DDX46: variants seen among roughly 807,000 people sequenced by gnomAD.
DDX46 encodes the protein DEAD-box helicase 46, also known as probable ATP-dependent RNA helicase DDX46.
A neutral mutation model predicts 134.9 loss-of-function variants in DDX46; 30 were observed. The ratio of observed to expected loss-of-function variants is 0.22; its 90% CI spans 0.17 to 0.30. The LOEUF (loss-of-function observed/expected upper bound fraction) is 0.30. DDX46 is among the 10% of genes least tolerant of loss of function. The pLI is 1.00. For missense variants in DDX46, 622 were observed against 1,248.7 expected, an observed-to-expected ratio of 0.50 and a Z score of 7.56; for synonymous variants, 415 against 404.1, an observed-to-expected ratio of 1.03 and a Z score of -0.32.
chr5:134,823,948 A>AC (rs1755523362), intron 21 of DDX46, among the ~76,000 whole-genome samples: 1 of 152,212 alleles, frequency 6.6e-6, no homozygotes, highest in South Asian at 2.1e-4. Flanking sequence ...CTTGCCTTAT[A>AC]AAGAGGTAAG....
At chr5:134,788,700 C>A (rs1005890825) in intron 12 of DDX46, 109 bp downstream of exon 12, 7 of 984,794 alleles carry the variant, frequency 7.1e-6, no homozygotes, top group Non-Finnish European at 9.2e-6. Context: ...CTTCTTAAAG[C>A]TGCAGTATCT....
At chr5:134,766,895 A>G in intron 2 of DDX46, 22 bp from the exon 3 acceptor site, 1 of 1,601,882 alleles carries the variant, frequency 6.2e-7, no homozygotes, top group South Asian at 1.1e-5. Context: ...CATAGAATAA[A>G]TGAAAAGTGT....
chr5:134,817,442 C>A, intron 19 of DDX46, 54 bp from the exon 20 acceptor site: 1 of 1,549,784 alleles, frequency 6.5e-7, no homozygotes, highest in South Asian at 1.2e-5. Flanking sequence ...GGTGTGGTCC[C>A]TACTCTTGTC....
intron 21 of DDX46, among the ~76,000 whole-genome samples, chr5:134,824,083 C>T (rs560916256): frequency 2.6e-5 from 4 of 152,232 alleles, no homozygotes; most frequent in African/African-American, 9.6e-5. Context: ...ATAACTTTAT[C>T]AGAACACATC....
At chr5:134,787,887 C>G (rs2150144592) in intron 11 of DDX46, among the ~76,000 whole-genome samples, 1 of 134,440 alleles carries the variant, frequency 7.4e-6, no homozygotes, top group Non-Finnish European at 1.6e-5. Context: ...GTCCTAGATA[C>G]TGGGAGGGTG....
chr5:134,820,889 A>G (rs1755426710), intron 21 of DDX46, among the ~76,000 whole-genome samples: 1 of 141,694 alleles, frequency 7.1e-6, no homozygotes, highest in Non-Finnish European at 1.5e-5. Flanking sequence ...TTTTTGAGAC[A>G]AAGTCCCACT....
chr5:134,821,796 C>CT (rs1446654829), intron 21 of DDX46, among the ~76,000 whole-genome samples: 1 of 151,810 alleles, frequency 6.6e-6, no homozygotes, highest in Non-Finnish European at 1.5e-5. Context: ...ACCTCATGAT[C>CT]TGCCTGCCTT....
At chr5:134,826,876 ACCT>A (rs1580825496) in intron 21 of DDX46, 68 bp from the exon 22 acceptor site, 1 of 1,464,750 alleles carries the variant, frequency 6.8e-7, no homozygotes, top group Non-Finnish European at 9.2e-7. Flanking sequence ...TTCTTCCTGG[ACCT>A]CCGTGATATG....
At chr5:134,825,555 T>A (rs1480261680) in intron 21 of DDX46, among the ~76,000 whole-genome samples, 1 of 152,216 alleles carries the variant, frequency 6.6e-6, no homozygotes, top group Non-Finnish European at 1.5e-5. Context: ...TTGTGTTTTT[T>A]AAAAATACAC....
At chr5:134,760,089 T>C (rs1753331292) in intron 1 of DDX46, among the ~76,000 whole-genome samples, 1 of 152,186 alleles carries the variant, frequency 6.6e-6, no homozygotes, top group Non-Finnish European at 1.5e-5. Context: ...GCTCTCCTAA[T>C]TGTTAGATCC....
intron 15 of DDX46, among the ~76,000 whole-genome samples, chr5:134,802,026 T>G (rs1271490887): frequency 1.3e-5 from 2 of 152,176 alleles, no homozygotes; most frequent in East Asian, 3.8e-4. Flanking sequence ...CGTTATTTCT[T>G]TCCTGCCTTA....
chr5:134,827,274 CTTTTCTTTTTTT>C lies in DDX46; in HGVS notation c.3051+259_3051+270del, dbSNP rs1239892031. On this transcript the variant is annotated intron_variant, in intron 22 of 22. Transcript: ENST00000452510. ...CCATACCTTGAATTTTTTTTCTTTTCTTTTCTTTTTTTTTTTTGGAGACTGAGTCTTGCATTG... is the reference window on the plus strand; with the variant it reads ...CCATACCTTGAATTTTTTTTCTTTTCTTTTTGGAGACTGAGTCTTGCATTG... Among the ~76,000 whole-genome samples, 18 of 151,380 alleles carry C rather than the reference CTTTTCTTTTTTT, an allele frequency of 1.2e-4. No individual in the cohort carries two copies. In the East Asian group the frequency reaches 3.1e-3, roughly 26 times the overall value.
chr5:134,805,024 T>G (rs1285170975), intron 15 of DDX46: 1 of 387,036 alleles, frequency 2.6e-6, no homozygotes, highest in African/African-American at 2.1e-5. Context: ...CCAACTTTGT[T>G]GGTATAAAGG....
chr5:134,805,570 CCA>C (rs1754961405), intron 15 of DDX46, among the ~76,000 whole-genome samples: 1 of 149,544 alleles, frequency 6.7e-6, no homozygotes, highest in Non-Finnish European at 1.5e-5. Context: ...CTCTTGTTAT[CCA>C]GGCTGGAGTG....
In DDX46 at chr5:134,794,978, C is replaced by G; in HGVS notation, c.1755C>G (p.Gly585=). Reference sequence around the variant, plus strand: ...AACCTATTGAAGTACAAGTTGGAGGCAGGAGTGTGGTTTGCTCAGATGTGG... The same window carrying G: ...AACCTATTGAAGTACAAGTTGGAGGGAGGAGTGTGGTTTGCTCAGATGTGG... ...LSKPIEVQVG[G]RSVVCSDVEQ... is the part of the protein sequence containing the mutation. Residue 585 remains glycine (G), a synonymous_variant, in exon 14 of 23, where the codon GGC becomes GGG. Coordinates refer to ENST00000452510, the MANE Select transcript of DDX46 (RefSeq NM_001300860.2). The G allele has an allele frequency of 6.2e-7, 1 of 1,614,110 alleles. No individual in the cohort carries two copies. The highest frequency in any genetic ancestry group is 8.5e-7 in the Non-Finnish European group (1 of 1,180,008).
intron 21 of DDX46, among the ~76,000 whole-genome samples, chr5:134,821,541 T>TG (rs1352618621): frequency 6.6e-6 from 1 of 151,184 alleles, no homozygotes; most frequent in African/African-American, 2.4e-5. Context: ...TTTTTGTTTT[T>TG]TTTTTTTTTT....
Position 134,777,588 on chromosome 5 carries a change from C to T in DDX46, c.628C>T (p.Pro210Ser). ...TGGTATTTTAGATGACGAAGATGAT[C>T]CTGCAGAAGCTGAAAAGGAGGGAAA... is the stretch of plus-strand genomic sequence containing the variant. ...LEDDDDDEDD[P>S]AEAEKEGNEM... The change falls in exon 6 of 23, where the codon CCT (proline) becomes TCT (serine). Residue 210 changes from proline (P) to serine (S), a missense_variant. Pro to Ser is a moderately conservative substitution (Grantham distance 74). This residue lies in a region of DDX46 where 244 missense variants were observed against 349.3 expected (regional missense o/e 0.70). Coordinates refer to ENST00000452510, the MANE Select transcript of DDX46 (RefSeq NM_001300860.2). 1 of 1,612,482 alleles carries T rather than the reference C, an allele frequency of 6.2e-7. No individual in the cohort carries two copies. Among genetic ancestry groups the T allele is most frequent in the Non-Finnish European group, 8.5e-7 (1 of 1,179,764 alleles).
chr5:134,797,167 CAAAAAAAAAAAAAAAAAA>C (rs61547263), intron 15 of DDX46: 1 of 22,278 alleles, frequency 4.5e-5, no homozygotes, highest in South Asian at 8.9e-4. Context: ...AACTCCGTCT[CAAAAAAAAAAAAAAAAAA>C]AAAAAAAAAA....
Position 134,758,858 on chromosome 5 carries a change from T to C in DDX46, c.-81T>C. 6.2e-7 allele frequency: 1 copy of C among 1,608,524 alleles called. No homozygotes were observed. Among genetic ancestry groups the C allele is most frequent in the African/African-American group, 1.3e-5 (1 of 74,904 alleles). ...TTTAGCGCTGGTCTTTGCCGGGCGT[T>C]GAGGGCAGCTCAGCCTCCTTGTTTG... is the stretch of plus-strand genomic sequence containing the variant. On this transcript the variant is annotated 5_prime_UTR_variant, in exon 1 of 23. Coordinates refer to ENST00000452510, the MANE Select transcript of DDX46 (RefSeq NM_001300860.2).
Sources: allele counts gnomAD v4.1 joint callset (sites outside exome capture counted in the v4.1 genomes callset), GRCh38; gene constraint gnomAD v4.1.1; regional missense constraint gnomAD v4.1.1; transcripts MANE v1.5; gene names NCBI Gene and HGNC (gene_info 2026-07-23, HGNC 2026-07-21).